The following CACUL1 variants were observed in gnomAD, a reference collection of about 807,000 sequenced individuals.
CACUL1 encodes the protein CDK2-associated and cullin domain-containing protein 1.
A neutral mutation model predicts 45.2 loss-of-function variants in CACUL1; 13 were observed. The observed-to-expected ratio is 0.29, with a 90% CI of 0.19 to 0.46. The LOEUF is 0.46. CACUL1 is among the 20% of genes least tolerant of loss of function. CACUL1 has a pLI of 1.00. For synonymous variants in CACUL1, 197 were observed against 174.2 expected, an observed-to-expected ratio of 1.13 and a Z score of -1.03; for missense variants, 421 against 471.4, an observed-to-expected ratio of 0.89 and a Z score of 0.99.
intron 1 of CACUL1, among the ~76,000 whole-genome samples, chr10:118,739,511 T>C (rs553924331): frequency 2.0e-5 from 3 of 152,312 alleles, no homozygotes; most frequent in South Asian, 2.1e-4. Flanking sequence ...GGAAAAGTTA[T>C]TTTCCGTTAA....
At chr10:118,728,284 T>A (rs1397418821) in intron 3 of CACUL1, among the ~76,000 whole-genome samples, 2 of 151,786 alleles carry the variant, frequency 1.3e-5, no homozygotes, top group African/African-American at 4.8e-5. Context: ...AATTGTGGTA[T>A]AGACCCTGGT....
At chr10:118,733,738 G>A (rs10787858) in intron 1 of CACUL1, among the ~76,000 whole-genome samples, 82,429 of 152,014 alleles carry the variant, frequency 0.54, 24,404 homozygotes, top group Non-Finnish European at 0.68. Context: ...TAGGCCAGGC[G>A]CACTGGCTCA....
In CACUL1 at chr10:118,683,680, G is replaced by C. The variant is rs1344318633; in HGVS notation, c.*2448C>G. On this transcript the variant is annotated 3_prime_UTR_variant, in exon 9 of 9. Coordinates refer to ENST00000369151, the MANE Select transcript of CACUL1 (RefSeq NM_153810.5). ...ACTGCACTCCAGCCTGGGTGAGAGA[G>C]TGAGACTCCATCTCAAAAACAAAAT... 1 of 152,286 alleles carries C rather than the reference G, an allele frequency of 6.6e-6. No homozygotes were observed. Among genetic ancestry groups the C allele is most frequent in the Middle Eastern group, 3.4e-3 (1 of 294 alleles). 9.4% of individuals were successfully genotyped at this position (152,286 alleles called of 1,614,324 possible). A position where few individuals can be genotyped will look rare whatever the true frequency, so the allele number is the denominator to read the frequency against.
chr10:118,700,735 A>G lies in CACUL1; in HGVS notation c.796+571T>C, dbSNP rs200668684. ...CCGTCTCAAAAAAAAAAAAAAAAAA[A>G]GAATGGGAAGAGGAGAAACGAACTG... On this transcript the variant is annotated intron_variant, in intron 5 of 8. Transcript: ENST00000369151. Among the ~76,000 whole-genome samples, 51 of 151,722 alleles carry G rather than the reference A, an allele frequency of 3.4e-4. 2 individuals are homozygous for G. The East Asian group carries it at 9.7e-3, about 29-fold the overall frequency.
chr10:118,706,681 A>G (rs1761410017), intron 4 of CACUL1, among the ~76,000 whole-genome samples: 1 of 152,244 alleles, frequency 6.6e-6, no homozygotes, highest in Non-Finnish European at 1.5e-5. Flanking sequence ...TTGGCATTAC[A>G]TTGACTAGAA....
intron 1 of CACUL1, among the ~76,000 whole-genome samples, chr10:118,741,865 T>C (rs1323799696): frequency 6.6e-6 from 1 of 152,166 alleles, no homozygotes; most frequent in Non-Finnish European, 1.5e-5. Flanking sequence ...CATGAGCCAG[T>C]CTCTCCTCCT....
chr10:118,754,357 TG>T, intron 1 of CACUL1, 38 bp downstream of exon 1: 1 of 1,456,520 alleles, frequency 6.9e-7, no homozygotes, highest in Non-Finnish European at 9.1e-7. Context: ...CCGAGTGAGG[TG>T]GAGAAAAGCC....
intron 1 of CACUL1, among the ~76,000 whole-genome samples, chr10:118,749,734 G>A (rs1845877681): frequency 6.6e-6 from 1 of 152,162 alleles, no homozygotes. Flanking sequence ...AAGCCAATAC[G>A]AACCCTAAGA....
chr10:118,691,263 G>A lies in CACUL1; in HGVS notation c.1025+2C>T, dbSNP rs1845262876. The A allele has an allele frequency of 1.9e-6, 3 of 1,607,440 alleles. No individual in the cohort carries two copies. Among genetic ancestry groups the A allele is most frequent in the Admixed American group, 3.4e-5 (2 of 58,524 alleles). ...CCACTAAAGGAAAAAAAAACAACTT[G>A]CCTTGTAAAACCATTCTGTATAAGT... On this transcript the variant is annotated splice_donor_variant, in intron 7 of 8. Coordinates refer to ENST00000369151, the MANE Select transcript of CACUL1 (RefSeq NM_153810.5). LOFTEE classifies it low-confidence loss of function (GC_TO_GT_DONOR).
At chr10:118,740,675 C>A (rs1845783372) in intron 1 of CACUL1, among the ~76,000 whole-genome samples, 2 of 151,734 alleles carry the variant, frequency 1.3e-5, no homozygotes, top group South Asian at 4.2e-4. Flanking sequence ...GCCTGTAATC[C>A]CAGCACTTTA....
chr10:118,715,834 AGAAGGGATG>A (rs1845537402), intron 3 of CACUL1, among the ~76,000 whole-genome samples: 1 of 152,242 alleles, frequency 6.6e-6, no homozygotes, highest in Non-Finnish European at 1.5e-5. Context: ...GAAGTAGACA[AGAAGGGATG>A]GAAGAGAAGG....
chr10:118,754,902 G>C lies in CACUL1; in HGVS notation c.-140C>G, dbSNP rs948971727. On this transcript the variant is annotated 5_prime_UTR_variant, in exon 1 of 9. Coordinates refer to ENST00000369151, the MANE Select transcript of CACUL1 (RefSeq NM_153810.5). ...AGCGGAGAGGGCTGCGGTGCGCAGGGTCTCTCGCTCTCCGCGGGGCCGACT... is the reference window on the plus strand; with the variant it reads ...AGCGGAGAGGGCTGCGGTGCGCAGGCTCTCTCGCTCTCCGCGGGGCCGACT... The C allele has an allele frequency of 8.2e-7, 1 of 1,218,384 alleles. No homozygotes were observed. Among genetic ancestry groups the C allele is most frequent in the East Asian group, 2.8e-5 (1 of 35,770 alleles). The allele number at this position is 1,218,384 out of a possible 1,614,324, so 75.5% of individuals were successfully genotyped here.
At chr10:118,695,683 C>A (rs1845315485) in intron 5 of CACUL1, among the ~76,000 whole-genome samples, 4 of 152,222 alleles carry the variant, frequency 2.6e-5, no homozygotes, top group Admixed American at 2.6e-4. Flanking sequence ...GCTACATCTA[C>A]TATTTTCTTA....
In CACUL1 at chr10:118,729,061, A is replaced by C. The variant is rs1455754680; in HGVS notation, c.597+234T>G. 2.7e-5 allele frequency: 11 copies of C among 406,194 alleles called. No homozygotes were observed. The East Asian group carries it at 5.5e-4, about 20-fold the overall frequency. 25.2% of individuals were successfully genotyped at this position (406,194 alleles called of 1,614,324 possible). A position where few individuals can be genotyped will look rare whatever the true frequency, so the allele number is the denominator to read the frequency against. The stretch of plus-strand genomic sequence containing the variant: ...GAAATGTTGACATGATAATCAATAG[A>C]ATCAGTTAAGGTCTGAAATATATTT... On this transcript the variant is annotated intron_variant, in intron 3 of 8. Coordinates refer to ENST00000369151, the MANE Select transcript of CACUL1 (RefSeq NM_153810.5).
chr10:118,711,482 C>T (rs4751669), intron 3 of CACUL1, among the ~76,000 whole-genome samples: 114,484 of 152,176 alleles, frequency 0.75, 43,221 homozygotes, highest in Non-Finnish European at 0.79. Flanking sequence ...CGGAATCATA[C>T]GTAACATCTT....
chr10:118,724,228 T>C (rs1845629585), intron 3 of CACUL1, among the ~76,000 whole-genome samples: 1 of 152,214 alleles, frequency 6.6e-6, no homozygotes, highest in Non-Finnish European at 1.5e-5. Context: ...CAAAGCTCTA[T>C]TAAATTTCTC....
At chr10:118,687,836 T>TA (rs1220011153) in intron 7 of CACUL1, among the ~76,000 whole-genome samples, 1 of 152,184 alleles carries the variant, frequency 6.6e-6, no homozygotes, top group Non-Finnish European at 1.5e-5. Context: ...ATTTTTTTTT[T>TA]ACATGTTTGT....
chr10:118,734,522 TAATG>T (rs1331774651), intron 1 of CACUL1, among the ~76,000 whole-genome samples: 1 of 152,100 alleles, frequency 6.6e-6, no homozygotes, highest in African/African-American at 2.4e-5. Context: ...AGCTTGAAAA[TAATG>T]AACTACTTTT....
At chr10:118,687,280 T>C (rs1024810791) in intron 7 of CACUL1, among the ~76,000 whole-genome samples, 2 of 152,150 alleles carry the variant, frequency 1.3e-5, no homozygotes, top group African/African-American at 2.4e-5. Context: ...TGCCTTCCTC[T>C]CTACGCTTCA....
Sources: allele counts gnomAD v4.1 joint callset (sites outside exome capture counted in the v4.1 genomes callset), GRCh38; gene constraint gnomAD v4.1.1; transcripts MANE v1.5; gene names NCBI Gene and HGNC (gene_info 2026-07-23, HGNC 2026-07-21).